PEAR1: variants seen among roughly 807,000 people sequenced by gnomAD.
PEAR1 encodes multiple EGF-like domains protein 12.
In PEAR1, 113 loss-of-function variants were observed where a neutral mutation model predicts 131.2. The observed-to-expected ratio is 0.86, with a 90% CI of 0.74 to 1.01. The LOEUF (loss-of-function observed/expected upper bound fraction) is 1.01, where lower values mean the gene tolerates loss of function less well. Ranked by LOEUF, PEAR1 falls within the 50% of genes least tolerant of loss-of-function variation. PEAR1 has a pLI of 0.00. For missense variants in PEAR1, 1,408 were observed against 1,391.1 expected, an observed-to-expected ratio of 1.01 and a Z score of -0.19; for synonymous variants, 565 against 523.3, an observed-to-expected ratio of 1.08 and a Z score of -1.09.
In PEAR1 at chr1:156,913,203, C is replaced by T. The variant is rs759511412; in HGVS notation, c.2432C>T (p.Pro811Leu). ...GSEYVMPDVP[P>L]SYSHYYSNPS... is the part of the protein sequence containing the mutation. ...TGTGTCTGTCATGCAGATGTCCCTCCGAGCTACAGTCACTACTACTCCAAC... is the reference window on the plus strand; with the variant it reads ...TGTGTCTGTCATGCAGATGTCCCTCTGAGCTACAGTCACTACTACTCCAAC... Residue 811 changes from proline (P) to leucine (L), a missense_variant, in exon 19 of 23, where the codon CCG (proline) becomes CTG (leucine). Physicochemically the swap from Pro to Leu is moderately conservative, Grantham distance 98 (BLOSUM62 -3). Transcript: ENST00000292357. 1.2e-5 allele frequency: 20 copies of T among 1,613,628 alleles called. No homozygotes were observed. Among genetic ancestry groups the T allele is most frequent in the South Asian group, 2.2e-5 (2 of 90,970 alleles).
At chr1:156,912,195 A>G in intron 15 of PEAR1, 52 bp from the exon 16 acceptor site, 1 of 1,559,856 alleles carries the variant, frequency 6.4e-7, no homozygotes, top group Non-Finnish European at 8.7e-7. Flanking sequence ...CTGAGAGTTC[A>G]TCCAGGAAAA....
intron 2 of PEAR1, 122 bp downstream of exon 2, chr1:156,904,149 C>A: frequency 2.6e-6 from 2 of 757,898 alleles, no homozygotes; most frequent in Middle Eastern, 2.3e-4. Flanking sequence ...CTAGTCTCTC[C>A]CCTCCCGCCT....
chr1:156,899,987 C>G (rs973317500), intron 1 of PEAR1, among the ~76,000 whole-genome samples: 1 of 152,118 alleles, frequency 6.6e-6, no homozygotes, highest in Non-Finnish European at 1.5e-5. Context: ...CTAATCCCCC[C>G]CACCCCTGCT....
chr1:156,905,135 G>A lies in PEAR1; in HGVS notation c.207-189G>A, dbSNP rs530154746. On this transcript the variant is annotated intron_variant, in intron 3 of 22. Transcript: ENST00000292357. The stretch of plus-strand genomic sequence containing the variant: ...TTCTTTTTTTAATAGACAAGGTCTC[G>A]CTCTGTCACCCAGGCTGGAGTGCAG... The A allele has an allele frequency of 1.5e-5, 18 of 1,175,318 alleles. No individual in the cohort carries two copies. The Admixed American group carries it at 1.9e-4, about 12-fold the overall frequency. The allele number at this position is 1,175,318 out of a possible 1,614,324, so 72.8% of individuals were successfully genotyped here.
chr1:156,914,725 A>G lies in PEAR1; in HGVS notation c.3041A>G (p.His1014Arg), dbSNP rs1220015109. Residue 1014 changes from histidine (H) to arginine (R), a missense_variant, in exon 23 of 23, where the codon CAC (histidine) becomes CGC (arginine). Physicochemically the swap from His to Arg is conservative, Grantham distance 29. Transcript: ENST00000292357. ...CACTATGACTCACCCAAGAACAGCC[A>G]CATCCCTGGACATTATGACTTGCCT... ...PGHYDSPKNSHIPGHYDLPPV... is the reference protein window; with the variant it reads ...PGHYDSPKNSRIPGHYDLPPV... 1 of 1,613,904 alleles carries G rather than the reference A, an allele frequency of 6.2e-7. No individual in the cohort carries two copies.
In PEAR1 at chr1:156,906,792, G is replaced by T. The variant is rs200051115; in HGVS notation, c.556G>T (p.Ala186Ser). 33 of 1,614,202 alleles carry T rather than the reference G, an allele frequency of 2.0e-5. No individual in the cohort carries two copies. The Admixed American group carries it at 3.3e-4, about 16-fold the overall frequency. Residue 186 changes from alanine (A) to serine (S), a missense_variant, in exon 6 of 23, where the codon GCC (alanine) becomes TCC (serine). Physicochemically the swap from Ala to Ser is moderately conservative, Grantham distance 99. Transcript: ENST00000292357. ...QPCTPGYYGP[A>S]CQFRCQCHGA... is the part of the protein sequence containing the mutation. ...CTGTACCCCTGGCTACTATGGCCCT[G>T]CCTGCCAGTTCCGCTGCCAGTGCCA...
chr1:156,913,903 A>G lies in PEAR1; in HGVS notation c.2765A>G (p.Glu922Gly). ...LGASVASLSS[E>G]NPYATIRDLP... ...GCCAGTGTGGCTTCCCTGAGCAGTG[A>G]GAACCCATATGCCACCATCCGGGAC... The change falls in exon 22 of 23, where the codon GAG becomes GGG. Residue 922 changes from glutamate to glycine, a missense_variant. By Grantham distance (98) the Glu-to-Gly change is moderately conservative (BLOSUM62 -2). Coordinates refer to ENST00000292357, the MANE Select transcript of PEAR1 (RefSeq NM_001080471.3). 1.2e-6 allele frequency: 2 copies of G among 1,614,034 alleles called. No individual in the cohort carries two copies. Among genetic ancestry groups the G allele is most frequent in the Non-Finnish European group, 1.7e-6 (2 of 1,180,002 alleles).
rs1435995609 is a variant in PEAR1, at chr1:156,907,669, G to A, written c.704G>A (p.Cys235Tyr). ...SGFFCPSTHS[C>Y]QNGGVFQTPQ... is the part of the protein sequence containing the mutation. ...TTCTTCTGCCCCAGCACCCATTCTT[G>A]CCAAAATGGAGGTGTCTTCCAAACC... Residue 235 changes from cysteine (C) to tyrosine (Y), a missense_variant, in exon 7 of 23, where the codon TGC (cysteine) becomes TAC (tyrosine). Coordinates refer to ENST00000292357, the MANE Select transcript of PEAR1 (RefSeq NM_001080471.3). 5 of 1,613,852 alleles carry A rather than the reference G, an allele frequency of 3.1e-6. No individual in the cohort carries two copies. The South Asian group carries it at 3.3e-5, about 11-fold the overall frequency.
In PEAR1 at chr1:156,913,301, G is replaced by T; in HGVS notation, c.2511+19G>T. ...TAACAAGGTCAGTGCCGGGGGAGGG[G>T]GTGCACTGTGGAGGGAAGCGCACAG... On this transcript the variant is annotated intron_variant, in intron 19 of 22. Transcript: ENST00000292357. The T allele has an allele frequency of 6.2e-7, 1 of 1,600,374 alleles. No homozygotes were observed. The highest frequency in any genetic ancestry group is 2.2e-5 in the East Asian group (1 of 44,726).
At chr1:156,897,067 G>A (rs1296090845) in intron 1 of PEAR1, among the ~76,000 whole-genome samples, 14 of 152,174 alleles carry the variant, frequency 9.2e-5, no homozygotes, top group Non-Finnish European at 1.8e-4. Flanking sequence ...GAAAGTCAAG[G>A]AGCACTGGAG....
chr1:156,908,182 C>G lies in PEAR1; in HGVS notation c.957C>G (p.Cys319Trp). ...GRFGQDCAET[C>W]DCAPDARCFP... Reference sequence around the variant, plus strand: ...TTGGGCAGGACTGTGCTGAGACGTGCGACTGCGCCCCGGACGCCCGTTGCT... The same window carrying G: ...TTGGGCAGGACTGTGCTGAGACGTGGGACTGCGCCCCGGACGCCCGTTGCT... Residue 319 changes from cysteine (C) to tryptophan (W), a missense_variant, in exon 9 of 23, where the codon TGC (cysteine) becomes TGG (tryptophan). Cys to Trp is a radical substitution (Grantham distance 215). Transcript: ENST00000292357. The surrounding 1 kb of genome is among the most constrained non-coding windows in gnomAD (Gnocchi z 4.2). 6.2e-7 allele frequency: 1 copy of G among 1,603,206 alleles called. No individual in the cohort carries two copies.
chr1:156,909,128 G>T (rs1279006974), intron 11 of PEAR1, 92 bp downstream of exon 11: 11 of 1,552,242 alleles, frequency 7.1e-6, no homozygotes, highest in Middle Eastern at 1.7e-4. Flanking sequence ...AAGGGCAGGG[G>T]AGCGGCTGCA....
At chr1:156,909,379 G>A (rs947019226) in intron 11 of PEAR1, among the ~76,000 whole-genome samples, 4 of 152,136 alleles carry the variant, frequency 2.6e-5, no homozygotes, top group East Asian at 1.9e-4. Context: ...GGCTGGACTC[G>A]GATACAGTTG....
In PEAR1 at chr1:156,913,997, TC is replaced by T. The variant is rs774951036; in HGVS notation, c.2865del (p.Arg956GlyfsTer30). On this transcript the variant is annotated frameshift_variant, in exon 22 of 23. Coordinates refer to ENST00000292357, the MANE Select transcript of PEAR1 (RefSeq NM_001080471.3). LOFTEE classifies it high-confidence loss of function. ...MEMKGPPSGS[P>X]PRQPPQFWDS... ...AGATGAAAGGCCCTCCCTCAGGATC[TC>T]CCCCCAGGCAGCCTCCTCAGTTCTG... 6.2e-7 allele frequency: 1 copy of T among 1,612,688 alleles called. No individual in the cohort carries two copies. Among genetic ancestry groups the T allele is most frequent in the East Asian group, 2.2e-5 (1 of 44,818 alleles).
In PEAR1 at chr1:156,908,051, G is replaced by C. The variant is rs766346665; in HGVS notation, c.902G>C (p.Arg301Pro). The part of the protein sequence containing the change: ...CRCAPGYTGD[R>P]CREECPVGRF... ...TGCGCTCCGGGTTACACTGGGGATC[G>C]GTGAGTGGCGTGGGGCGGGCGGGAG... The change falls in exon 8 of 23, where the codon CGG becomes CCG. Residue 301 changes from arginine to proline, a missense_variant and splice_region_variant. Physicochemically the swap from Arg to Pro is moderately radical, Grantham distance 103. Transcript: ENST00000292357. This position sits in a 1 kb window ranked among gnomAD's most constrained non-coding sequence, Gnocchi z 4.2. 2.5e-6 allele frequency: 4 copies of C among 1,575,444 alleles called. No individual in the cohort carries two copies. The Admixed American group carries it at 5.6e-5, about 22-fold the overall frequency.
Position 156,912,861 on chromosome 1 carries a change from TG to T in PEAR1, c.2302del (p.Val768TrpfsTer2), listed in dbSNP as rs1558147834. On this transcript the variant is annotated frameshift_variant, in exon 18 of 23. Transcript: ENST00000292357. LOFTEE classifies it high-confidence loss of function. ...VIGIAVLGSLVVALVALFIGY... is the reference protein window; with the variant it reads ...VIGIAVLGSLXVALVALFIGY... ...TTGGCATTGCAGTGCTGGGGTCCCT[TG>T]TGGTAGCCCTGGTGGCACTGTTCAT... is the stretch of plus-strand genomic sequence containing the variant. 2 of 1,614,196 alleles carry T rather than the reference TG, an allele frequency of 1.2e-6. No individual in the cohort carries two copies. Among genetic ancestry groups the T allele is most frequent in the Admixed American group, 3.3e-5 (2 of 60,028 alleles).
intron 3 of PEAR1, 147 bp downstream of exon 3, chr1:156,904,999 G>T (rs1445067641): frequency 6.5e-7 from 1 of 1,549,628 alleles, no homozygotes; most frequent in Non-Finnish European, 8.7e-7. Context: ...TCTGTGTCGG[G>T]TACGTGTGTA....
At chr1:156,911,146 T>TTC (rs1463770365) in intron 15 of PEAR1, among the ~76,000 whole-genome samples, 1 of 149,656 alleles carries the variant, frequency 6.7e-6, no homozygotes, top group African/African-American at 2.5e-5. Context: ...TTTCTTTTCT[T>TTC]TCTTTCTTTT....
chr1:156,900,649 C>T (rs950201827), intron 1 of PEAR1, among the ~76,000 whole-genome samples: 9 of 152,146 alleles, frequency 5.9e-5, no homozygotes, highest in African/African-American at 1.4e-4. Context: ...GTGAACGATA[C>T]GTGGGGTCAC....
Sources: gnomAD v4.1 joint callset for allele counts (sites outside exome capture counted in the v4.1 genomes callset) on GRCh38, gnomAD v4.1.1 for gene constraint, Gnocchi (gnomAD v3.1) non-coding constraint, MANE v1.5 for transcripts, NCBI Gene and HGNC (gene_info 2026-07-23, HGNC 2026-07-21) for gene names.